CELSR1: variants seen among roughly 807,000 people sequenced by gnomAD.
CELSR1 encodes the protein adhesion G protein-coupled receptor C1.
CELSR1 carries 110 observed loss-of-function variants against 249.1 expected under a neutral mutation model. That is an observed-to-expected ratio of 0.44 (90% CI 0.38 to 0.52). The LOEUF is 0.52. CELSR1 is among the 20% of genes least tolerant of loss of function. CELSR1 has a pLI of 0.00. For missense variants in CELSR1, 4,109 were observed against 4,296.4 expected (o/e 0.96, Z 1.22); for synonymous variants, 2,113 against 1,900.0 (o/e 1.11, Z -2.92).
chr22:46,533,738 C>T lies in CELSR1; in HGVS notation c.3433G>A (p.Gly1145Ser), dbSNP rs1218123293. ...SDSLNYTFVQ[G>S]NELRLLLLDP... ...AGCAGCAACAGGCGCAGCTCGTTGC[C>T]CTGCACGAAGGTGTAGTTGAGGCTG... Residue 1145 changes from glycine (G) to serine (S), a missense_variant, in exon 1 of 35, where the codon GGC (glycine) becomes AGC (serine). Gly to Ser is a moderately conservative substitution (Grantham distance 56, BLOSUM62 0). Transcript: ENST00000674500. The T allele has an allele frequency of 6.2e-7, 1 of 1,613,170 alleles. No individual in the cohort carries two copies. The highest frequency in any genetic ancestry group is 1.3e-5 in the African/African-American group (1 of 74,944).
At position 46,365,109 on chromosome 22, in the gene CELSR1, C is replaced by G. The variant is rs113067149; in HGVS notation, c.8554+122G>C. On this transcript the variant is annotated intron_variant, in intron 32 of 34. Coordinates refer to ENST00000674500, the MANE Select transcript of CELSR1 (RefSeq NM_001378328.1). Reference sequence around the variant, plus strand: ...CAGAGTCCCCCCACCCCAGGCTGTCCTTTCATGTGGCTGCAGTGCTGCTGG... The same window carrying G: ...CAGAGTCCCCCCACCCCAGGCTGTCGTTTCATGTGGCTGCAGTGCTGCTGG... 1,260 of 1,358,006 alleles carry G rather than the reference C, an allele frequency of 9.3e-4. 11 individuals are homozygous for G. The highest frequency in any genetic ancestry group is 8.5e-3 in the African/African-American group (583 of 68,412). 84.1% of individuals were successfully genotyped at this position (1,358,006 alleles called of 1,614,324 possible). A position where few individuals can be genotyped will look rare whatever the true frequency, so the allele number is the denominator to read the frequency against.
intron 33 of CELSR1, 91 bp from the exon 34 acceptor site, chr22:46,364,342 T>G: frequency 1.3e-6 from 2 of 1,548,152 alleles, no homozygotes; most frequent in Non-Finnish European, 1.7e-6. Context: ...CCTCAGCCCC[T>G]GTCCTTCCTC....
At chr22:46,521,898 A>G (rs1283320374) in intron 1 of CELSR1, among the ~76,000 whole-genome samples, 3 of 152,066 alleles carry the variant, frequency 2.0e-5, no homozygotes, top group Non-Finnish European at 4.4e-5. Flanking sequence ...TGGTAGTTCT[A>G]TTTTTCATAT....
chr22:46,363,363 T>G lies in CELSR1; in HGVS notation c.9036-116A>C. 5 of 794,722 alleles carry G rather than the reference T, an allele frequency of 6.3e-6. No individual in the cohort carries two copies. The highest frequency in any genetic ancestry group is 1.7e-5 in the African/African-American group (1 of 57,858). 49.2% of individuals were successfully genotyped at this position (794,722 alleles called of 1,614,324 possible). A position where few individuals can be genotyped will look rare whatever the true frequency, so the allele number is the denominator to read the frequency against. On this transcript the variant is annotated intron_variant, in intron 34 of 34. Transcript: ENST00000674500. This position sits in a 1 kb window ranked among gnomAD's most constrained non-coding sequence, Gnocchi z 4.3. Reference sequence around the variant, plus strand: ...TCACCCCATCAGGGTAGAGGGGGCGTCTGGGGGCTCCAGGGAGGGCAAGCT... The same window carrying G: ...TCACCCCATCAGGGTAGAGGGGGCGGCTGGGGGCTCCAGGGAGGGCAAGCT...
Position 46,364,221 on chromosome 22 carries a change from G to A in CELSR1, c.8810C>T (p.Pro2937Leu), listed in dbSNP as rs371112013. Residue 2937 changes from proline (P) to leucine (L), a missense_variant, in exon 34 of 35, where the codon CCG (proline) becomes CTG (leucine). Coordinates refer to ENST00000674500, the MANE Select transcript of CELSR1 (RefSeq NM_001378328.1). The part of the protein sequence containing the change: ...GILKNKVTYP[P>L]PLTLTEQTLK... ...CGTCTGCTCCGTCAGCGTCAGCGGC[G>A]GCGGGTAGGTGACTTTATTTTTCAA... 343 of 1,610,776 alleles carry A rather than the reference G, an allele frequency of 2.1e-4. 1 individual carries two copies. The highest frequency in any genetic ancestry group is 2.6e-4 in the Non-Finnish European group (310 of 1,179,714).
Position 46,380,789 on chromosome 22 carries a change from C to G in CELSR1, c.7255G>C (p.Ala2419Pro). 6.2e-7 allele frequency: 1 copy of G among 1,612,160 alleles called. No individual in the cohort carries two copies. The change falls in exon 22 of 35, where the codon GCC becomes CCC. Residue 2419 changes from alanine to proline, a missense_variant and splice_region_variant. Ala to Pro is a conservative substitution (Grantham distance 27, BLOSUM62 -1). Around this residue, in one of 7 missense-constraint regions of CELSR1, gnomAD observed 1,805 missense variants for 1,831.6 expected, o/e 0.99. Coordinates refer to ENST00000674500, the MANE Select transcript of CELSR1 (RefSeq NM_001378328.1). The surrounding 1 kb of genome is among the most constrained non-coding windows in gnomAD (Gnocchi z 5.1). The stretch of plus-strand genomic sequence containing the variant: ...TGGGGCTCCTGGCGTCACACTTACG[C>G]CAGGGAGTGGTTCCAGAACACGCAG... ...PVCVFWNHSL[A>P]VGGTGGWSAR...
chr22:46,428,728 C>A lies in CELSR1; in HGVS notation c.4611+4665G>T, dbSNP rs1483509299. 1.3e-5 allele frequency among the ~76,000 whole-genome samples: 2 copies of A among 152,240 alleles called. No homozygotes were observed. The highest frequency in any genetic ancestry group is 4.8e-5 in the African/African-American group (2 of 41,464). On this transcript the variant is annotated intron_variant, in intron 5 of 34. Transcript: ENST00000674500. This position sits in a 1 kb window ranked among gnomAD's most constrained non-coding sequence, Gnocchi z 5.7. ...CGCGGCTGCTCACCGCCTCCCACAT[C>A]TGCTTCATGCGGGATCTCCCAGCAG...
intron 32 of CELSR1, 63 bp from the exon 33 acceptor site, chr22:46,364,799 G>T: frequency 6.7e-7 from 1 of 1,501,980 alleles, no homozygotes; most frequent in Non-Finnish European, 9.0e-7. Flanking sequence ...TCCCTTGAGA[G>T]CCATGGGTCT....
chr22:46,485,998 C>T (rs1431202888), intron 1 of CELSR1, among the ~76,000 whole-genome samples: 1 of 139,366 alleles, frequency 7.2e-6, no homozygotes, highest in Admixed American at 7.9e-5. Context: ...AGTGCAGTGG[C>T]GTGACCTCGG....
chr22:46,483,849 T>C (rs537495256), intron 1 of CELSR1, among the ~76,000 whole-genome samples: 1 of 152,254 alleles, frequency 6.6e-6, no homozygotes, highest in African/African-American at 2.4e-5. Flanking sequence ...ACACCAACAC[T>C]TTCAGGAGAG....
intron 5 of CELSR1, among the ~76,000 whole-genome samples, chr22:46,425,770 C>G (rs1210492695): frequency 6.6e-6 from 1 of 152,142 alleles, no homozygotes; most frequent in Non-Finnish European, 1.5e-5. Context: ...GTTTCAATTT[C>G]ACTGACTGCT....
chr22:46,525,230 CCT>C (rs2080727196), intron 1 of CELSR1, among the ~76,000 whole-genome samples: 1 of 152,192 alleles, frequency 6.6e-6, no homozygotes, highest in African/African-American at 2.4e-5. Flanking sequence ...GGGCAGATCA[CCT>C]GAGGTCGGGA....
At chr22:46,507,588 A>G (rs1010014645) in intron 1 of CELSR1, among the ~76,000 whole-genome samples, 2 of 152,028 alleles carry the variant, frequency 1.3e-5, no homozygotes, top group Non-Finnish European at 2.9e-5. Flanking sequence ...ACCCCTCACC[A>G]GGCCACGTGC....
chr22:46,415,859 G>A (rs1229858165), intron 5 of CELSR1, among the ~76,000 whole-genome samples: 7 of 152,240 alleles, frequency 4.6e-5, no homozygotes, highest in Non-Finnish European at 1.0e-4. Context: ...CTTGAATAGG[G>A]ATAAGTGAAA....
In CELSR1 at chr22:46,441,811, C is replaced by T. The variant is rs1285836638; in HGVS notation, c.4184-2400G>A. Among the ~76,000 whole-genome samples the T allele has an allele frequency of 1.3e-5, 2 of 152,200 alleles. No homozygotes were observed. Among genetic ancestry groups the T allele is most frequent in the Non-Finnish European group, 2.9e-5 (2 of 68,040 alleles). ...TCCAGAGCAGATATGTATGAGACAACTGGCAATTTTAAAAGACTAGTGAAC... is the reference window on the plus strand; with the variant it reads ...TCCAGAGCAGATATGTATGAGACAATTGGCAATTTTAAAAGACTAGTGAAC... On this transcript the variant is annotated intron_variant, in intron 2 of 34. Transcript: ENST00000674500. This position sits in a 1 kb window ranked among gnomAD's most constrained non-coding sequence, Gnocchi z 6.1.
intron 1 of CELSR1, among the ~76,000 whole-genome samples, chr22:46,501,947 T>C (rs938366789): frequency 6.6e-6 from 1 of 152,108 alleles, no homozygotes; most frequent in Non-Finnish European, 1.5e-5. Flanking sequence ...ATTACATTTT[T>C]ATAAACTACT....
intron 5 of CELSR1, among the ~76,000 whole-genome samples, chr22:46,416,580 G>A (rs1371428793): frequency 6.6e-6 from 1 of 152,170 alleles, no homozygotes; most frequent in East Asian, 1.9e-4. Context: ...AGGCTCCCTG[G>A]GGCAGGCGGA....
At chr22:46,457,732 A>T (rs2079973503) in intron 2 of CELSR1, among the ~76,000 whole-genome samples, 1 of 152,194 alleles carries the variant, frequency 6.6e-6, no homozygotes, top group Admixed American at 6.5e-5. Context: ...GCGGACCCAC[A>T]TGGGAGCTTA....
At chr22:46,461,067 T>C (rs2080020843) in intron 2 of CELSR1, among the ~76,000 whole-genome samples, 2 of 151,934 alleles carry the variant, frequency 1.3e-5, no homozygotes, top group Non-Finnish European at 2.9e-5. Flanking sequence ...GAGCAAGTAA[T>C]AAAACCCCTC....
Sources: gnomAD v4.1 joint callset for allele counts (sites outside exome capture counted in the v4.1 genomes callset) on GRCh38, gnomAD v4.1.1 for gene constraint, gnomAD v4.1.1 regional missense constraint, Gnocchi (gnomAD v3.1) non-coding constraint, MANE v1.5 for transcripts, NCBI Gene and HGNC (gene_info 2026-07-23, HGNC 2026-07-21) for gene names.